LARP4B: variants seen among roughly 807,000 people sequenced by gnomAD.
The protein encoded by LARP4B is la-related protein 4B.
In LARP4B, 12 loss-of-function variants were observed where a neutral mutation model predicts 89.8. That is an observed-to-expected ratio of 0.13 (90% confidence interval 0.09 to 0.22). The LOEUF (loss-of-function observed/expected upper bound fraction) is 0.22. Ranked by LOEUF, LARP4B falls within the 10% of genes least tolerant of loss-of-function variation. The pLI is 1.00. For missense variants in LARP4B, 757 were observed against 947.7 expected, an observed-to-expected ratio of 0.80 and a Z score of 2.64; for synonymous variants, 367 against 363.3, an observed-to-expected ratio of 1.01 and a Z score of -0.12.
At chr10:928,251 C>A (rs1175672809) in intron 1 of LARP4B, among the ~76,000 whole-genome samples, 1 of 151,608 alleles carries the variant, frequency 6.6e-6, no homozygotes, top group East Asian at 1.9e-4. Context: ...AAAACTTGTA[C>A]CTTTAACACT....
chr10:938,905 A>G, the LARP4B span, among the ~76,000 whole-genome samples: 940 of 152,336 alleles, frequency 6.2e-3, 10 homozygotes, highest in African/African-American at 0.022. Context: ...TTTCTTCTCA[A>G]TAATCTAAAG....
intron 1 of LARP4B, among the ~76,000 whole-genome samples, chr10:918,632 CAAAAAAAAAAAAA>C (rs57396015): frequency 1.0e-4 from 5 of 48,376 alleles, no homozygotes; most frequent in African/African-American, 3.0e-4. Flanking sequence ...GACCCTGTCT[CAAAAAAAAAAAAA>C]AAAAAAAAAA....
Position 814,278 on chromosome 10 carries a change from C to T in LARP4B, c.1929+464G>A, listed in dbSNP as rs1487360699. On this transcript the variant is annotated intron_variant, in intron 17 of 17. Coordinates refer to ENST00000316157, the MANE Select transcript of LARP4B (RefSeq NM_015155.3). This position sits in a 1 kb window ranked among gnomAD's most constrained non-coding sequence, Gnocchi z 4.4. ...AGAGTAAGAGAGGCCACAGTTCACC[C>T]AGTAGGGAAAACAGCAGAAAGGAAG... Among the ~76,000 whole-genome samples, 1 of 152,110 alleles carries T rather than the reference C, an allele frequency of 6.6e-6. No homozygotes were observed.
chr10:888,867 C>T (rs1259387546), intron 1 of LARP4B, among the ~76,000 whole-genome samples: 1 of 152,216 alleles, frequency 6.6e-6, no homozygotes, highest in Non-Finnish European at 1.5e-5. Flanking sequence ...AAGCAGAATG[C>T]TTGAGCCCAA....
intron 1 of LARP4B, among the ~76,000 whole-genome samples, chr10:923,664 A>G (rs1342332575): frequency 6.6e-6 from 1 of 152,230 alleles, no homozygotes; most frequent in Non-Finnish European, 1.5e-5. Context: ...CCACCTTTAA[A>G]GAAAATTTTA....
intron 3 of LARP4B, among the ~76,000 whole-genome samples, chr10:868,378 T>TAAAAAA (rs35215345): frequency 7.3e-5 from 9 of 123,448 alleles, no homozygotes; most frequent in African/African-American, 1.8e-4. Flanking sequence ...AAGATTTGCT[T>TAAAAAA]AAAAAAAAAA....
At chr10:904,842 TG>T (rs1836446200) in intron 1 of LARP4B, among the ~76,000 whole-genome samples, 2 of 152,222 alleles carry the variant, frequency 1.3e-5, no homozygotes, top group African/African-American at 4.8e-5. Context: ...AGAAGATGAC[TG>T]CCACTTGGTA....
intron 1 of LARP4B, among the ~76,000 whole-genome samples, chr10:924,072 C>CAA (rs200743796): frequency 6.6e-6 from 1 of 151,132 alleles, no homozygotes; most frequent in African/African-American, 2.4e-5. Flanking sequence ...GCCACCTCTA[C>CAA]AAAAAAAAAT....
At chr10:977,636 G>A in the LARP4B span, among the ~76,000 whole-genome samples, 1 of 152,026 alleles carries the variant, frequency 6.6e-6, no homozygotes, top group East Asian at 1.9e-4. Context: ...TGCTGGCCTA[G>A]AGTTCTTTTT....
chr10:864,206 T>C lies in LARP4B; in HGVS notation c.206A>G (p.His69Arg). ...NAEVWGAPVL[H>R]LEASSAADGV... Reference sequence around the variant, plus strand: ...GTCAGCAGCACTGCTTGCTTCCAGATGTAACACAGGAGCCCCCCACACTTC... The same window carrying C: ...GTCAGCAGCACTGCTTGCTTCCAGACGTAACACAGGAGCCCCCCACACTTC... Residue 69 changes from histidine (H) to arginine (R), a missense_variant, in exon 4 of 18, where the codon CAT (histidine) becomes CGT (arginine). By Grantham distance (29) the His-to-Arg change is conservative. Around this residue, in one of 5 missense-constraint regions of LARP4B, gnomAD observed 175 missense variants for 187.0 expected, o/e 0.94. Transcript: ENST00000316157. 1.2e-6 allele frequency: 2 copies of C among 1,614,206 alleles called. No individual in the cohort carries two copies. The highest frequency in any genetic ancestry group is 1.7e-6 in the Non-Finnish European group (2 of 1,180,020).
At chr10:912,904 C>T (rs537186228) in intron 1 of LARP4B, among the ~76,000 whole-genome samples, 3 of 152,118 alleles carry the variant, frequency 2.0e-5, no homozygotes, top group South Asian at 2.1e-4. Flanking sequence ...ATTTAGCTAG[C>T]TATCCTGAAC....
At chr10:862,753 G>A (rs7088956) in intron 5 of LARP4B, among the ~76,000 whole-genome samples, 16,578 of 150,864 alleles carry the variant, frequency 0.11, 1,159 homozygotes, top group Non-Finnish European at 0.16. Context: ...GTGAGACTCC[G>A]TCTCAAAAAA....
the LARP4B span, among the ~76,000 whole-genome samples, chr10:977,581 C>A: frequency 1.3e-5 from 2 of 151,962 alleles, no homozygotes; most frequent in Admixed American, 1.3e-4. Context: ...GAGATCCTCC[C>A]GCTTCAGCCT....
At position 883,788 on chromosome 10, in the gene LARP4B, T is replaced by C. The variant is rs187218450; in HGVS notation, c.141+659A>G. On this transcript the variant is annotated intron_variant, in intron 3 of 17. Transcript: ENST00000316157. ...CGTCTCTATTTGAAAAAAAAAACAA[T>C]TGGATTAACAATCCAACTCCTCAAT... Among the ~76,000 whole-genome samples the C allele has an allele frequency of 8.7e-3, 1,316 of 151,688 alleles. 10 individuals are homozygous for C. Among genetic ancestry groups the C allele is most frequent in the South Asian group, 0.022 (104 of 4,820 alleles).
intron 5 of LARP4B, 84 bp downstream of exon 5, chr10:863,659 T>C (rs186866998): frequency 6.5e-6 from 9 of 1,378,286 alleles, no homozygotes; most frequent in Admixed American, 2.4e-5. Context: ...ACCCATTGTG[T>C]AGAGAATGTT....
intron 15 of LARP4B, among the ~76,000 whole-genome samples, chr10:816,900 G>C (rs1255937115): frequency 3.3e-5 from 5 of 152,142 alleles, no homozygotes; most frequent in Non-Finnish European, 7.4e-5. Context: ...TAAAGCCCAG[G>C]GTGGAAGAGA....
At position 820,909 on chromosome 10, in the gene LARP4B, C is replaced by T. The variant is rs143926347; in HGVS notation, c.1485-64G>A. 466 of 1,391,250 alleles carry T rather than the reference C, an allele frequency of 3.3e-4. 1 individual carries two copies. In the East Asian group the frequency reaches 7.5e-3, roughly 22 times the overall value. 86.2% of individuals were successfully genotyped at this position (1,391,250 alleles called of 1,614,324 possible). On this transcript the variant is annotated intron_variant, in intron 13 of 17. Transcript: ENST00000316157. ...CACTTGGAGAATTTATTATTGAGCA[C>T]GTTTGCACTCACATAATCAAAGTAC...
chr10:904,493 T>TG (rs1253148312), intron 1 of LARP4B, among the ~76,000 whole-genome samples: 11 of 126,070 alleles, frequency 8.7e-5, no homozygotes, highest in African/African-American at 1.5e-4. Flanking sequence ...GGCGGAGGGT[T>TG]GGGGGGGCAT....
intron 1 of LARP4B, among the ~76,000 whole-genome samples, chr10:922,336 G>A (rs570098629): frequency 2.0e-5 from 3 of 152,250 alleles, no homozygotes; most frequent in East Asian, 1.9e-4. Flanking sequence ...TGATGGGTAC[G>A]GGTCGGACAA....
Sources: gnomAD v4.1 joint callset for allele counts (sites outside exome capture counted in the v4.1 genomes callset) on GRCh38, gnomAD v4.1.1 for gene constraint, gnomAD v4.1.1 regional missense constraint, Gnocchi (gnomAD v3.1) non-coding constraint, MANE v1.5 for transcripts, NCBI Gene and HGNC (gene_info 2026-07-23, HGNC 2026-07-21) for gene names.